ANK3: variants seen among roughly 807,000 people sequenced by gnomAD.
ANK3 encodes ankyrin-3.
A neutral mutation model predicts 370.9 loss-of-function variants in ANK3; 57 were observed. The observed-to-expected ratio is 0.15, with a 90% CI of 0.12 to 0.19. The LOEUF is 0.19. Among genes scored for constraint, ANK3 ranks in the 10% least tolerant of loss-of-function variants. ANK3 has a pLI of 1.00. For missense variants in ANK3, 4,439 were observed against 5,302.1 expected, an observed-to-expected ratio of 0.84 and a Z score of 5.06; for synonymous variants, 1,929 against 1,946.3, an observed-to-expected ratio of 0.99 and a Z score of 0.23.
chr10:60,090,418 A>G (rs2087974796), intron 28 of ANK3, among the ~76,000 whole-genome samples: 1 of 152,234 alleles, frequency 6.6e-6, no homozygotes, highest in Non-Finnish European at 1.5e-5. Flanking sequence ...AGAAGCCTAA[A>G]AGCATAATAT....
intron 38 of ANK3, among the ~76,000 whole-genome samples, chr10:60,065,065 T>C (rs17802232): frequency 0.077 from 11,677 of 152,280 alleles, 557 homozygotes; most frequent in Non-Finnish European, 0.11. Context: ...CCACCCTCTA[T>C]GCCTTCAAGT....
intron 2 of ANK3, among the ~76,000 whole-genome samples, chr10:60,469,653 ATGGTGG>A (rs1237767543): frequency 0.31 from 4,424 of 14,256 alleles, 1,838 homozygotes; most frequent in South Asian, 0.5. Context: ...ATATATATAT[ATGGTGG>A]TATATATATA....
At chr10:60,600,969 C>T (rs1180273329) in intron 2 of ANK3, among the ~76,000 whole-genome samples, 2 of 151,868 alleles carry the variant, frequency 1.3e-5, no homozygotes, top group Non-Finnish European at 2.9e-5. Context: ...TGAAAACAAA[C>T]AAAAAGAAGT....
At chr10:60,153,937 T>C (rs1352118598) in intron 23 of ANK3, among the ~76,000 whole-genome samples, 1 of 152,216 alleles carries the variant, frequency 6.6e-6, no homozygotes. Context: ...CCTGCTAAAC[T>C]ATCCCTTGAG....
chr10:60,484,399 G>A (rs1334574083), intron 2 of ANK3, among the ~76,000 whole-genome samples: 1 of 152,086 alleles, frequency 6.6e-6, no homozygotes, highest in African/African-American at 2.4e-5. Context: ...GATATCAAAG[G>A]ATTATTTTTT....
intron 1 of ANK3, among the ~76,000 whole-genome samples, chr10:60,336,564 G>GATCGATCT (rs768570797): frequency 4.7e-5 from 7 of 150,460 alleles, no homozygotes; most frequent in African/African-American, 1.5e-4. Context: ...GGAATCTGGA[G>GATCGATCT]ATCTATCTAT....
rs527396477 is a variant in ANK3 at position 60,650,203 on chromosome 10, G to A, written c.58-34979C>T. Among the ~76,000 whole-genome samples the A allele has an allele frequency of 9.2e-4, 140 of 152,224 alleles. 1 individual carries two copies. The highest frequency in any genetic ancestry group is 3.2e-3 in the African/African-American group (135 of 41,540). ...AAGGGATCAACAAACAGTGGCAAGG[G>A]GCCAAATCCAGCCTGTTACCTGTTT... On this transcript the variant is annotated intron_variant, in intron 1 of 43. Transcript: ENST00000373827.
chr10:60,689,302 G>T (rs532113214), intron 1 of ANK3, among the ~76,000 whole-genome samples: 1 of 152,324 alleles, frequency 6.6e-6, no homozygotes, highest in East Asian at 1.9e-4. Context: ...GGGAGGTTGA[G>T]GTAGGAGGAT....
At chr10:60,719,812 C>T (rs1416813976) in intron 1 of ANK3, among the ~76,000 whole-genome samples, 2 of 152,116 alleles carry the variant, frequency 1.3e-5, no homozygotes, top group Admixed American at 6.5e-5. Flanking sequence ...CTTGGTTATA[C>T]ATTTTATAAA....
chr10:60,293,482 G>T (rs895663315), intron 1 of ANK3, among the ~76,000 whole-genome samples: 1 of 152,142 alleles, frequency 6.6e-6, no homozygotes, highest in South Asian at 2.1e-4. Flanking sequence ...AGTGGTCACC[G>T]TATCATCTCT....
At chr10:60,176,161 C>T (rs1243889651) in intron 18 of ANK3, among the ~76,000 whole-genome samples, 1 of 146,030 alleles carries the variant, frequency 6.8e-6, no homozygotes, top group African/African-American at 2.5e-5. Flanking sequence ...GGCAAAAACC[C>T]TGTCTCTGCT....
chr10:60,714,058 C>A lies in ANK3; in HGVS notation c.57+19205G>T, dbSNP rs556859455. On this transcript the variant is annotated intron_variant, in intron 1 of 43. Transcript: ENST00000373827. The stretch of plus-strand genomic sequence containing the variant: ...CTCATATCATAAATAAAAGAGGGGC[C>A]ACCATTATTGATCTCATAAACATCA... Among the ~76,000 whole-genome samples, 4 of 152,054 alleles carry A rather than the reference C, an allele frequency of 2.6e-5. No individual in the cohort carries two copies. In the East Asian group the frequency reaches 7.7e-4, roughly 29 times the overall value.
intron 2 of ANK3, among the ~76,000 whole-genome samples, chr10:60,559,492 G>C (rs548252123): frequency 6.6e-6 from 1 of 152,096 alleles, no homozygotes; most frequent in Non-Finnish European, 1.5e-5. Context: ...AACTGTGCTA[G>C]CTACTTGACA....
chr10:60,119,210 C>G (rs1228979899), intron 25 of ANK3, among the ~76,000 whole-genome samples: 1 of 152,164 alleles, frequency 6.6e-6, no homozygotes, highest in African/African-American at 2.4e-5. Flanking sequence ...AAATACTCTT[C>G]CTATGGCGCA....
At chr10:60,690,756 T>C (rs1213105253) in intron 1 of ANK3, among the ~76,000 whole-genome samples, 1 of 152,124 alleles carries the variant, frequency 6.6e-6, no homozygotes, top group Admixed American at 6.6e-5. Context: ...TACCACCTCC[T>C]TTGAGTGATT....
intron 2 of ANK3, among the ~76,000 whole-genome samples, chr10:60,471,676 C>T (rs2065223193): frequency 6.6e-6 from 1 of 151,986 alleles, no homozygotes; most frequent in South Asian, 2.1e-4. Context: ...AATTGCCTTT[C>T]AAGAATAACA....
intron 2 of ANK3, among the ~76,000 whole-genome samples, chr10:60,460,913 T>A (rs1026430005): frequency 5.9e-5 from 9 of 152,222 alleles, no homozygotes; most frequent in Non-Finnish European, 1.2e-4. Flanking sequence ...TAGAGGATTT[T>A]GAGTGAGAAG....
intron 1 of ANK3, among the ~76,000 whole-genome samples, chr10:60,621,952 A>G (rs146684304): frequency 8.3e-4 from 126 of 152,278 alleles, no homozygotes; most frequent in Middle Eastern, 6.8e-3. Context: ...AGGCTTACTC[A>G]ATCTAGTAGT....
At chr10:60,418,629 T>C (rs533120023) in intron 2 of ANK3, among the ~76,000 whole-genome samples, 2 of 151,826 alleles carry the variant, frequency 1.3e-5, no homozygotes, top group Admixed American at 1.3e-4. Context: ...AATATAGGAC[T>C]CTCAGTTAAA....
Sources: gnomAD v4.1 joint callset for allele counts (sites outside exome capture counted in the v4.1 genomes callset) on GRCh38, gnomAD v4.1.1 for gene constraint, MANE v1.5 for transcripts, NCBI Gene and HGNC (gene_info 2026-07-23, HGNC 2026-07-21) for gene names.